The following SCG3 variants were observed in gnomAD, a reference collection of about 807,000 sequenced individuals.
SCG3 encodes secretogranin III, also known as secretogranin-3.
Under a neutral mutation model 56.2 loss-of-function variants are expected in SCG3, and 38 were observed. The ratio of observed to expected loss-of-function variants is 0.68; its 90% CI spans 0.52 to 0.89. The LOEUF is 0.89. SCG3 is among the 40% of genes least tolerant of loss of function. The pLI is 0.00. For missense variants in SCG3, 524 were observed against 540.7 expected, an observed-to-expected ratio of 0.97 and a Z score of 0.31; for synonymous variants, 176 against 184.2, an observed-to-expected ratio of 0.96 and a Z score of 0.36.
At chr15:51,695,762 G>GA (rs370571693) in intron 7 of SCG3, 113 bp from the exon 8 acceptor site, 102,090 of 501,806 alleles carry the variant, frequency 0.2, 3 homozygotes, top group South Asian at 0.26. Flanking sequence ...CCTCGTCTTT[G>GA]AAAAAAAAAA....
intron 10 of SCG3, among the ~76,000 whole-genome samples, chr15:51,707,203 G>A (rs1172834096): frequency 6.6e-6 from 1 of 151,900 alleles, no homozygotes; most frequent in Non-Finnish European, 1.5e-5. Context: ...GTTTACGGCT[G>A]GATAATAAAA....
At chr15:51,701,050 G>A in intron 9 of SCG3, 57 bp from the exon 10 acceptor site, 1 of 1,592,518 alleles carries the variant, frequency 6.3e-7, no homozygotes, top group Non-Finnish European at 8.5e-7. Context: ...TCTACTTTAG[G>A]AACCAATTAA....
In SCG3 at chr15:51,719,429, G is replaced by C. The variant is rs1274245500; in HGVS notation, c.1310G>C (p.Arg437Thr). Reference sequence around the variant, plus strand: ...CCAGATTATGACCTTTCAAAGATGAGAGACTTCATCAATAAACAAGCTGAT... The same window carrying C: ...CCAGATTATGACCTTTCAAAGATGACAGACTTCATCAATAAACAAGCTGAT... ...NKEDYDLSKM[R>T]DFINKQADAY... is the part of the protein sequence containing the mutation. The change falls in exon 12 of 12, where the codon AGA becomes ACA. Residue 437 changes from arginine to threonine, a missense_variant. Physicochemically the swap from Arg to Thr is moderately conservative, Grantham distance 71. Coordinates refer to ENST00000220478, the MANE Select transcript of SCG3 (RefSeq NM_013243.4). The C allele has an allele frequency of 1.2e-6, 2 of 1,613,500 alleles. No homozygotes were observed. The highest frequency in any genetic ancestry group is 4.5e-5 in the East Asian group (2 of 44,872).
chr15:51,692,636 A>G (rs550018953), intron 7 of SCG3, among the ~76,000 whole-genome samples: 1 of 152,352 alleles, frequency 6.6e-6, no homozygotes, highest in South Asian at 2.1e-4. Context: ...GAAAAGACCT[A>G]GCACAAAGAT....
intron 4 of SCG3, among the ~76,000 whole-genome samples, chr15:51,686,141 A>G (rs773631519): frequency 3.3e-5 from 5 of 152,202 alleles, no homozygotes; most frequent in Admixed American, 6.5e-5. Flanking sequence ...TGTTAAACCC[A>G]TGTTTGGCTC....
chr15:51,683,061 C>T lies in SCG3; in HGVS notation c.136-18C>T. ...AGCAATGATTTTAAACCAAGTCTAT[C>T]TCCTGTTTGCTTCACAGATTGCTGA... is the stretch of plus-strand genomic sequence containing the variant. On this transcript the variant is annotated intron_variant, in intron 2 of 11. Transcript: ENST00000220478. 6.2e-7 allele frequency: 1 copy of T among 1,602,232 alleles called. No individual in the cohort carries two copies. The highest frequency in any genetic ancestry group is 8.5e-7 in the Non-Finnish European group (1 of 1,174,892).
chr15:51,712,666 C>T (rs1480866619), intron 10 of SCG3, among the ~76,000 whole-genome samples: 1 of 152,170 alleles, frequency 6.6e-6, no homozygotes, highest in Non-Finnish European at 1.5e-5. Context: ...TAAAGGGCAT[C>T]ACAGAGTAGG....
At chr15:51,710,752 A>ATTTTTTTTTTT (rs60536489) in intron 10 of SCG3, among the ~76,000 whole-genome samples, 1 of 105,290 alleles carries the variant, frequency 9.5e-6, no homozygotes. Context: ...TGCCTGGCTA[A>ATTTTTTTTTTT]TTTTTTTTTT....
Position 51,720,915 on chromosome 15 carries a change from A to T in SCG3, c.*1389A>T. 6.2e-6 allele frequency: 1 copy of T among 162,066 alleles called. No homozygotes were observed. The highest frequency in any genetic ancestry group is 1.3e-5 in the Non-Finnish European group (1 of 75,534). 10.0% of individuals were successfully genotyped at this position (162,066 alleles called of 1,614,324 possible). A position where few individuals can be genotyped will look rare whatever the true frequency, so the allele number is the denominator to read the frequency against. Reference sequence around the variant, plus strand: ...AAAAACGGAACATGGGAGGGGACAAATAAGGGAATAAAATCTGGCCACCCC... The same window carrying T: ...AAAAACGGAACATGGGAGGGGACAATTAAGGGAATAAAATCTGGCCACCCC... On this transcript the variant is annotated 3_prime_UTR_variant, in exon 12 of 12. Coordinates refer to ENST00000220478, the MANE Select transcript of SCG3 (RefSeq NM_013243.4).
intron 8 of SCG3, among the ~76,000 whole-genome samples, chr15:51,697,792 T>G (rs201458801): frequency 4.6e-5 from 7 of 152,236 alleles, no homozygotes; most frequent in Admixed American, 1.3e-4. Context: ...TACATATTAA[T>G]GTATATGTAC....
chr15:51,701,028 A>G, intron 9 of SCG3, 79 bp from the exon 10 acceptor site: 1 of 1,551,464 alleles, frequency 6.4e-7, no homozygotes, highest in Non-Finnish European at 8.8e-7. Flanking sequence ...TACCTTGTCA[A>G]TAAAGTTGAT....
intron 10 of SCG3, 134 bp from the exon 11 acceptor site, chr15:51,713,199 T>C: frequency 1.6e-6 from 1 of 617,808 alleles, no homozygotes; most frequent in East Asian, 3.1e-5. Flanking sequence ...ATATGTACAT[T>C]ACCTAGTTAG....
At position 51,715,386 on chromosome 15, in the gene SCG3, T is replaced by A. The variant is rs574852773; in HGVS notation, c.1288+1973T>A. ...GGATCTGGGTCCTAGGGTCATGCAG[T>A]GGCTGCAGCTGTATAAGCAGGGAGA... On this transcript the variant is annotated intron_variant, in intron 11 of 11. Transcript: ENST00000220478. Among the ~76,000 whole-genome samples, 206 of 152,140 alleles carry A rather than the reference T, an allele frequency of 1.4e-3. 3 individuals carry two copies. The highest frequency in any genetic ancestry group is 1.5e-3 in the Non-Finnish European group (103 of 68,028).
chr15:51,709,878 G>A (rs1378926865), intron 10 of SCG3, among the ~76,000 whole-genome samples: 4 of 134,798 alleles, frequency 3.0e-5, no homozygotes, highest in Admixed American at 2.3e-4. Flanking sequence ...CCACCAACAC[G>A]CCCGGCTAAT....
At chr15:51,709,887 ATTTT>A (rs67775073) in intron 10 of SCG3, among the ~76,000 whole-genome samples, 1 of 84,858 alleles carries the variant, frequency 1.2e-5, no homozygotes. Flanking sequence ...CGCCCGGCTA[ATTTT>A]TTTTTTTTTT....
At chr15:51,692,092 G>A (rs1167902651) in intron 6 of SCG3, 67 bp from the exon 7 acceptor site, 2 of 1,440,090 alleles carry the variant, frequency 1.4e-6, no homozygotes, top group Non-Finnish European at 9.4e-7. Context: ...ACAAAGGAAG[G>A]AATCAAGCTG....
chr15:51,693,011 A>G (rs955930679), intron 7 of SCG3, among the ~76,000 whole-genome samples: 9 of 152,192 alleles, frequency 5.9e-5, no homozygotes, highest in African/African-American at 2.2e-4. Flanking sequence ...CATAACTGAA[A>G]TTTCATACCC....
chr15:51,695,872 T>A lies in SCG3; in HGVS notation c.869-3T>A. 1 of 1,533,748 alleles carries A rather than the reference T, an allele frequency of 6.5e-7. No individual in the cohort carries two copies. The highest frequency in any genetic ancestry group is 9.0e-7 in the Non-Finnish European group (1 of 1,110,896). On this transcript the variant is annotated splice_polypyrimidine_tract_variant and splice_region_variant and intron_variant, in intron 7 of 11. Transcript: ENST00000220478. The stretch of plus-strand genomic sequence containing the variant: ...TTTTAAGTTATTTTGTTCTTTCATA[T>A]AGAAAAAGAAGCAAAAGAGAAAGAA...
intron 4 of SCG3, among the ~76,000 whole-genome samples, chr15:51,686,588 A>G (rs570143126): frequency 6.6e-6 from 1 of 152,364 alleles, no homozygotes; most frequent in East Asian, 1.9e-4. Flanking sequence ...GCAATCCGCA[A>G]ATGGAAAAAT....
Sources: gnomAD v4.1 joint callset for allele counts (sites outside exome capture counted in the v4.1 genomes callset) on GRCh38, gnomAD v4.1.1 for gene constraint, MANE v1.5 for transcripts, NCBI Gene and HGNC (gene_info 2026-07-23, HGNC 2026-07-21) for gene names.